Variants in PRRX2 observed in about 807,000 individuals in gnomAD.
PRRX2 encodes the protein paired mesoderm homeobox protein 2.
PRRX2 carries 11 observed loss-of-function variants against 18.0 expected under a neutral mutation model. The observed-to-expected ratio is 0.61, with a 90% CI of 0.39 to 1.01. The LOEUF (loss-of-function observed/expected upper bound fraction) is 1.01, where lower values mean the gene tolerates loss of function less well. Ranked by LOEUF, PRRX2 falls within the 50% of genes least tolerant of loss-of-function variation. The pLI, the probability that PRRX2 is intolerant of heterozygous loss-of-function variation, is 0.01. For synonymous variants in PRRX2, 177 were observed against 154.8 expected, an observed-to-expected ratio of 1.14 and a Z score of -1.06; for missense variants, 387 against 351.0, an observed-to-expected ratio of 1.10 and a Z score of -0.82.
At chr9:129,708,717 C>T (rs539531612) in intron 1 of PRRX2, among the ~76,000 whole-genome samples, 2 of 152,330 alleles carry the variant, frequency 1.3e-5, no homozygotes, top group South Asian at 2.1e-4. Context: ...TTTGATGTCA[C>T]ATCTAACAGC....
intron 1 of PRRX2, among the ~76,000 whole-genome samples, chr9:129,696,994 C>G (rs1832433188): frequency 6.6e-6 from 1 of 152,204 alleles, no homozygotes; most frequent in African/African-American, 2.4e-5. Context: ...ACCTCCCTCC[C>G]TAGTCTCGGT....
intron 1 of PRRX2, among the ~76,000 whole-genome samples, chr9:129,676,918 G>A (rs1474673138): frequency 6.6e-6 from 1 of 152,202 alleles, no homozygotes; most frequent in Non-Finnish European, 1.5e-5. Context: ...AGACAAATGG[G>A]CATTTTGTTT....
intron 1 of PRRX2, among the ~76,000 whole-genome samples, chr9:129,679,323 C>G (rs575809411): frequency 1.3e-5 from 2 of 152,244 alleles, no homozygotes; most frequent in East Asian, 3.9e-4. Context: ...AGAGTCGGAA[C>G]AGTTGAGCTG....
At chr9:129,693,506 A>C (rs965123525) in intron 1 of PRRX2, among the ~76,000 whole-genome samples, 2 of 151,954 alleles carry the variant, frequency 1.3e-5, no homozygotes, top group African/African-American at 4.8e-5. Flanking sequence ...AGGCTGGAGA[A>C]TCACTTGAAC....
intron 1 of PRRX2, among the ~76,000 whole-genome samples, chr9:129,706,494 C>T (rs1017282165): frequency 2.0e-5 from 3 of 151,716 alleles, no homozygotes; most frequent in East Asian, 1.9e-4. Context: ...ACCTGGGAGG[C>T]GGAGGTTGCA....
rs920434740 is a variant in PRRX2, at chr9:129,671,695, C to A, written c.259+5569C>A. 6.6e-6 allele frequency among the ~76,000 whole-genome samples: 1 copy of A among 152,214 alleles called. No individual in the cohort carries two copies. The highest frequency in any genetic ancestry group is 2.4e-5 in the African/African-American group (1 of 41,454). ...CCATGCCTAGTCCACAGTAAAGTGT[C>A]TCCACTGCAGCTCCTGGAGATGCTC... is the stretch of plus-strand genomic sequence containing the variant. On this transcript the variant is annotated intron_variant, in intron 1 of 3. Coordinates refer to ENST00000372469, the MANE Select transcript of PRRX2 (RefSeq NM_016307.4). The surrounding 1 kb of genome is among the most constrained non-coding windows in gnomAD (Gnocchi z 4.0).
chr9:129,683,331 AAC>A (rs543491619), intron 1 of PRRX2, among the ~76,000 whole-genome samples: 92 of 152,326 alleles, frequency 6.0e-4, no homozygotes, highest in African/African-American at 1.9e-3. Flanking sequence ...AGAGATGAGA[AAC>A]AGAGGCTCCT....
intron 1 of PRRX2, among the ~76,000 whole-genome samples, chr9:129,682,464 G>C (rs1832245263): frequency 2.0e-5 from 3 of 152,070 alleles, no homozygotes; most frequent in Admixed American, 6.5e-5. Context: ...CATGGGGTTG[G>C]AGAACTGTCC....
chr9:129,707,747 T>C (rs1271917733), intron 1 of PRRX2, among the ~76,000 whole-genome samples: 1 of 148,522 alleles, frequency 6.7e-6, no homozygotes, highest in East Asian at 2.0e-4. Context: ...GCCGAGATCG[T>C]GCCACTGCAC....
chr9:129,688,981 T>G (rs1227343747), intron 1 of PRRX2, among the ~76,000 whole-genome samples: 1 of 152,150 alleles, frequency 6.6e-6, no homozygotes, highest in Non-Finnish European at 1.5e-5. Flanking sequence ...TAGAATCTTT[T>G]CAGGTTGGGT....
intron 1 of PRRX2, among the ~76,000 whole-genome samples, chr9:129,699,086 G>C (rs748685279): frequency 6.6e-6 from 1 of 152,200 alleles, no homozygotes; most frequent in Non-Finnish European, 1.5e-5. Flanking sequence ...TTCCCTGTGG[G>C]AGGTGATTTC....
intron 1 of PRRX2, among the ~76,000 whole-genome samples, chr9:129,666,564 C>A (rs1325326916): frequency 8.4e-6 from 1 of 118,480 alleles, no homozygotes; most frequent in Non-Finnish European, 1.6e-5. Context: ...GGCGAGGGTG[C>A]CTGCCCACCC....
intron 1 of PRRX2, among the ~76,000 whole-genome samples, chr9:129,668,643 G>GGTGC (rs1390248950): frequency 6.6e-6 from 1 of 151,802 alleles, no homozygotes; most frequent in East Asian, 1.9e-4. Context: ...CGGGTGTGGT[G>GGTGC]GTGCATGCCT....
At chr9:129,696,256 T>G (rs1832420470) in intron 1 of PRRX2, among the ~76,000 whole-genome samples, 1 of 152,026 alleles carries the variant, frequency 6.6e-6, no homozygotes, top group Non-Finnish European at 1.5e-5. Flanking sequence ...CACATACCCC[T>G]GAATAGTAGA....
At chr9:129,708,658 T>C (rs552575713) in intron 1 of PRRX2, among the ~76,000 whole-genome samples, 1 of 152,350 alleles carries the variant, frequency 6.6e-6, no homozygotes, top group South Asian at 2.1e-4. Context: ...CAAAACTGTT[T>C]AGTTTTCATG....
At chr9:129,680,476 C>G (rs1018099855) in intron 1 of PRRX2, among the ~76,000 whole-genome samples, 2 of 136,632 alleles carry the variant, frequency 1.5e-5, no homozygotes, top group Non-Finnish European at 3.1e-5. Context: ...CCACCCCCCC[C>G]ACCCGCCCTA....
At chr9:129,699,441 G>A (rs35027793) in intron 1 of PRRX2, among the ~76,000 whole-genome samples, 9,694 of 124,362 alleles carry the variant, frequency 0.078, 569 homozygotes, top group East Asian at 0.36. Flanking sequence ...ATATATATAT[G>A]TGTGTGTGTG....
At chr9:129,696,153 C>G (rs538315498) in intron 1 of PRRX2, among the ~76,000 whole-genome samples, 45 of 151,966 alleles carry the variant, frequency 3.0e-4, no homozygotes, top group Non-Finnish European at 6.5e-4. Context: ...CCCACCTCCA[C>G]TCACCAACTG....
At chr9:129,688,343 G>C (rs1832319568) in intron 1 of PRRX2, among the ~76,000 whole-genome samples, 1 of 152,080 alleles carries the variant, frequency 6.6e-6, no homozygotes, top group Non-Finnish European at 1.5e-5. Context: ...GGGATTATAG[G>C]TGTGAGTCAC....
Sources: allele counts gnomAD v4.1 joint callset (sites outside exome capture counted in the v4.1 genomes callset), GRCh38; gene constraint gnomAD v4.1.1; non-coding constraint Gnocchi (gnomAD v3.1); transcripts MANE v1.5; gene names NCBI Gene and HGNC (gene_info 2026-07-23, HGNC 2026-07-21).